CFAP299: variants seen among roughly 807,000 people sequenced by gnomAD.
CFAP299 encodes the protein cilia and flagella associated protein 299, also known as cilia- and flagella-associated protein 299.
In CFAP299, 21 loss-of-function variants were observed where a neutral mutation model predicts 27.0. The observed-to-expected ratio is 0.78, with a 90% CI of 0.55 to 1.12. CFAP299 has a LOEUF of 1.12. Ranked by LOEUF, CFAP299 falls within the 50% of genes most tolerant of loss-of-function variation. The pLI is 0.00. For synonymous variants in CFAP299, 104 were observed against 98.1 expected (o/e 1.06, Z -0.36); for missense variants, 310 against 276.6 (o/e 1.12, Z -0.86).
At chr4:80,487,059 A>T (rs1730854930) in intron 2 of CFAP299, among the ~76,000 whole-genome samples, 1 of 152,248 alleles carries the variant, frequency 6.6e-6, no homozygotes, top group Non-Finnish European at 1.5e-5. Flanking sequence ...GAATTTAGTT[A>T]GAATCAAGGC....
chr4:80,406,394 C>A (rs1268017812), intron 2 of CFAP299, among the ~76,000 whole-genome samples: 1 of 152,110 alleles, frequency 6.6e-6, no homozygotes, highest in Non-Finnish European at 1.5e-5. Context: ...TGAGACAAGG[C>A]TCACTCTGTC....
chr4:80,825,722 C>A (rs1043703113), intron 3 of CFAP299, among the ~76,000 whole-genome samples: 1 of 151,786 alleles, frequency 6.6e-6, no homozygotes, highest in Non-Finnish European at 1.5e-5. Context: ...TACTACTAGA[C>A]CTGTTGTGCA....
intron 2 of CFAP299, among the ~76,000 whole-genome samples, chr4:80,507,344 A>G (rs535258507): frequency 3.3e-5 from 5 of 152,276 alleles, no homozygotes; most frequent in African/African-American, 1.2e-4. Flanking sequence ...TTACTACTCC[A>G]TCTGTTCCTA....
chr4:80,929,816 G>A (rs1049370604), intron 4 of CFAP299, among the ~76,000 whole-genome samples: 5 of 152,140 alleles, frequency 3.3e-5, no homozygotes, highest in Admixed American at 2.0e-4. Flanking sequence ...ATTGTTTGAT[G>A]TGGTAAACAA....
chr4:80,879,523 C>T (rs1733582246), intron 4 of CFAP299, among the ~76,000 whole-genome samples: 1 of 152,114 alleles, frequency 6.6e-6, no homozygotes, highest in Admixed American at 6.5e-5. Context: ...GTAGAAGTGA[C>T]AGTATAATGT....
intron 4 of CFAP299, among the ~76,000 whole-genome samples, chr4:80,943,444 A>G (rs148686297): frequency 1.3e-5 from 2 of 152,308 alleles, no homozygotes; most frequent in Non-Finnish European, 2.9e-5. Context: ...TATTTTCAAA[A>G]AAGAAAGGGA....
upstream of CFAP299, among the ~76,000 whole-genome samples, chr4:80,335,347 C>T (rs749649350): frequency 1.1e-4 from 17 of 152,114 alleles, no homozygotes; most frequent in Non-Finnish European, 2.1e-4. Flanking sequence ...GTCGTTGTCA[C>T]AACACCATTT....
chr4:80,538,353 A>G (rs1299809779), intron 2 of CFAP299, among the ~76,000 whole-genome samples: 2 of 152,156 alleles, frequency 1.3e-5, no homozygotes, highest in Non-Finnish European at 2.9e-5. Flanking sequence ...ATAGCAAGCT[A>G]AGGTTAATTT....
At chr4:80,335,657 C>T (rs1370731494), upstream of CFAP299, 2 of 718,782 alleles carry the variant, frequency 2.8e-6, no homozygotes, top group Non-Finnish European at 5.0e-6. Flanking sequence ...GTGGGATTAA[C>T]GTCCAAAGCT....
At chr4:80,533,947 C>G (rs1733599224) in intron 2 of CFAP299, among the ~76,000 whole-genome samples, 1 of 151,842 alleles carries the variant, frequency 6.6e-6, no homozygotes, top group Admixed American at 6.6e-5. Flanking sequence ...ATATTATGTA[C>G]AAATAGTGGG....
At chr4:80,522,114 G>A (rs151168241) in intron 2 of CFAP299, among the ~76,000 whole-genome samples, 2,215 of 151,616 alleles carry the variant, frequency 0.015, 33 homozygotes, top group South Asian at 0.077. Flanking sequence ...AGTATTCTAC[G>A]TCTTCACTAA....
At chr4:80,418,293 A>G (rs1727116036) in intron 2 of CFAP299, among the ~76,000 whole-genome samples, 1 of 152,128 alleles carries the variant, frequency 6.6e-6, no homozygotes, top group South Asian at 2.1e-4. Flanking sequence ...GTATATGCAT[A>G]TGTACATGTG....
At chr4:80,889,819 C>G (rs1204974940) in intron 4 of CFAP299, among the ~76,000 whole-genome samples, 1 of 152,020 alleles carries the variant, frequency 6.6e-6, no homozygotes, top group Non-Finnish European at 1.5e-5. Context: ...GATGGTTCAA[C>G]ATATGCAAAT....
At chr4:80,600,159 A>G (rs1577916723) in intron 3 of CFAP299, among the ~76,000 whole-genome samples, 1 of 152,144 alleles carries the variant, frequency 6.6e-6, no homozygotes, top group East Asian at 1.9e-4. Context: ...AGTTAGACTG[A>G]AACAGTTTCT....
At chr4:80,477,908 A>G (rs920588942) in intron 2 of CFAP299, among the ~76,000 whole-genome samples, 1 of 152,148 alleles carries the variant, frequency 6.6e-6, no homozygotes, top group African/African-American at 2.4e-5. Context: ...CAGAGCTGCA[A>G]ATGGCTAGAG....
At chr4:80,544,077 G>A (rs567057316) in intron 2 of CFAP299, among the ~76,000 whole-genome samples, 8 of 152,184 alleles carry the variant, frequency 5.3e-5, no homozygotes, top group South Asian at 2.1e-4. Context: ...AAGAAATTCC[G>A]ACCAAGAATT....
intron 3 of CFAP299, among the ~76,000 whole-genome samples, chr4:80,693,243 T>C (rs936864530): frequency 1.3e-5 from 2 of 152,036 alleles, no homozygotes; most frequent in African/African-American, 2.4e-5. Flanking sequence ...AAGACACATG[T>C]ACACGTATGT....
intron 2 of CFAP299, among the ~76,000 whole-genome samples, chr4:80,500,957 G>A (rs768328906): frequency 4.6e-5 from 7 of 152,084 alleles, no homozygotes; most frequent in Non-Finnish European, 7.4e-5. Context: ...CTGCTGGAAG[G>A]TGATCTTATT....
chr4:80,493,696 C>G (rs191710828), intron 2 of CFAP299, among the ~76,000 whole-genome samples: 1 of 151,178 alleles, frequency 6.6e-6, no homozygotes, highest in Non-Finnish European at 1.5e-5. Context: ...ACTACTCAAA[C>G]GCTAGTGACT....
Sources: allele counts gnomAD v4.1 joint callset (sites outside exome capture counted in the v4.1 genomes callset), GRCh38; gene constraint gnomAD v4.1.1; transcripts MANE v1.5; gene names NCBI Gene and HGNC (gene_info 2026-07-23, HGNC 2026-07-21).